EXOC4: variants seen among roughly 807,000 people sequenced by gnomAD.
EXOC4 encodes the protein exocyst complex component 4.
Under a neutral mutation model 107.2 loss-of-function variants are expected in EXOC4, and 71 were observed. That is an observed-to-expected ratio of 0.66 (90% CI 0.55 to 0.81). EXOC4 has a LOEUF of 0.81. Ranked by LOEUF, EXOC4 falls within the 30% of genes least tolerant of loss-of-function variation. The pLI is 0.00. For synonymous variants in EXOC4, 456 were observed against 441.2 expected (o/e 1.03, Z -0.42); for missense variants, 1,108 against 1,189.6 (o/e 0.93, Z 1.01).
chr7:133,640,965 C>A (rs966782619), intron 10 of EXOC4, among the ~76,000 whole-genome samples: 1 of 151,852 alleles, frequency 6.6e-6, no homozygotes, highest in African/African-American at 2.4e-5. Flanking sequence ...TGCAGAATGC[C>A]TGGGCTCAAG....
intron 14 of EXOC4, among the ~76,000 whole-genome samples, chr7:133,991,791 A>C (rs146045067): frequency 1.3e-5 from 2 of 152,044 alleles, no homozygotes; most frequent in Non-Finnish European, 2.9e-5. Flanking sequence ...TGGGTTCTCT[A>C]TTCTGTTCCA....
chr7:133,543,629 A>G (rs1000011338), intron 9 of EXOC4, among the ~76,000 whole-genome samples: 2 of 152,112 alleles, frequency 1.3e-5, no homozygotes, highest in African/African-American at 4.8e-5. Context: ...TCCTGCTTTT[A>G]TCTAGCCTTT....
At chr7:133,754,046 T>C (rs1795848145) in intron 10 of EXOC4, among the ~76,000 whole-genome samples, 1 of 152,196 alleles carries the variant, frequency 6.6e-6, no homozygotes, top group South Asian at 2.1e-4. Flanking sequence ...ATGTTTTGAA[T>C]GGGGGCAAAA....
chr7:134,011,241 A>G lies in EXOC4; in HGVS notation c.2687+3406A>G, dbSNP rs542436376. ...TCACAGAAGCCACCTAGGAGTCCAG[A>G]TGGTGGCAGCATAACAAGAGAGGTC... On this transcript the variant is annotated intron_variant, in intron 17 of 17. Coordinates refer to ENST00000253861, the MANE Select transcript of EXOC4 (RefSeq NM_021807.4). Among the ~76,000 whole-genome samples, 6 of 152,024 alleles carry G rather than the reference A, an allele frequency of 3.9e-5. No individual in the cohort carries two copies. In the East Asian group the frequency reaches 9.7e-4, roughly 24 times the overall value.
At chr7:133,258,122 A>G (rs1481130771) in intron 1 of EXOC4, among the ~76,000 whole-genome samples, 2 of 152,128 alleles carry the variant, frequency 1.3e-5, no homozygotes, top group African/African-American at 2.4e-5. Context: ...GGCCCTACTG[A>G]TGCTGTGTTG....
chr7:133,403,000 T>A (rs1797126277), intron 7 of EXOC4, among the ~76,000 whole-genome samples: 1 of 150,778 alleles, frequency 6.6e-6, no homozygotes, highest in Non-Finnish European at 1.5e-5. Context: ...TTATCCTGCC[T>A]CAGCCTCCCG....
At chr7:133,562,390 C>T (rs1427415538) in intron 9 of EXOC4, among the ~76,000 whole-genome samples, 1 of 152,132 alleles carries the variant, frequency 6.6e-6, no homozygotes, top group Non-Finnish European at 1.5e-5. Context: ...TTCTGCAATG[C>T]TAGGTTCCCC....
chr7:133,565,278 T>G (rs1161334595), intron 9 of EXOC4, among the ~76,000 whole-genome samples: 1 of 152,174 alleles, frequency 6.6e-6, no homozygotes, highest in Non-Finnish European at 1.5e-5. Flanking sequence ...CCTCCACTCT[T>G]AGTTTTCTCA....
intron 3 of EXOC4, among the ~76,000 whole-genome samples, chr7:133,298,681 A>T (rs1794575989): frequency 6.6e-6 from 1 of 152,186 alleles, no homozygotes; most frequent in South Asian, 2.1e-4. Context: ...GGTAATTGTG[A>T]ACAGATCTGT....
intron 14 of EXOC4, among the ~76,000 whole-genome samples, chr7:133,988,145 T>C (rs552221567): frequency 1.3e-5 from 2 of 152,318 alleles, no homozygotes; most frequent in East Asian, 3.9e-4. Context: ...CAAAGTGCAC[T>C]GACAACTCGT....
intron 9 of EXOC4, among the ~76,000 whole-genome samples, chr7:133,544,704 T>C (rs1800446606): frequency 6.8e-6 from 1 of 147,820 alleles, no homozygotes; most frequent in Admixed American, 6.7e-5. Flanking sequence ...CAAATGTGAT[T>C]TTTAACCAAA....
chr7:133,488,647 A>G (rs1799314490), intron 9 of EXOC4, among the ~76,000 whole-genome samples: 1 of 152,164 alleles, frequency 6.6e-6, no homozygotes, highest in African/African-American at 2.4e-5. Context: ...TAAATTTCCA[A>G]TAGGTTGATA....
At chr7:133,389,056 AGTAAAGT>A (rs1796792959) in intron 7 of EXOC4, among the ~76,000 whole-genome samples, 2 of 152,088 alleles carry the variant, frequency 1.3e-5, no homozygotes, top group Non-Finnish European at 1.5e-5. Context: ...TGGATAGAGG[AGTAAAGT>A]AGTGAAAGTA....
At chr7:133,541,058 T>G (rs1181435778) in intron 9 of EXOC4, among the ~76,000 whole-genome samples, 1 of 152,200 alleles carries the variant, frequency 6.6e-6, no homozygotes, top group South Asian at 2.1e-4. Context: ...TATGTCTACA[T>G]GAAATAATCT....
chr7:133,475,610 G>A (rs912451839), intron 8 of EXOC4, 137 bp downstream of exon 8: 5 of 747,264 alleles, frequency 6.7e-6, no homozygotes, highest in Admixed American at 6.6e-5. Flanking sequence ...TATATGTTGA[G>A]TTTTATTTAT....
At chr7:133,409,626 A>T (rs1797311514) in intron 7 of EXOC4, among the ~76,000 whole-genome samples, 1 of 152,156 alleles carries the variant, frequency 6.6e-6, no homozygotes, top group Admixed American at 6.5e-5. Flanking sequence ...AACTTTTCTT[A>T]CTGTGGAAAA....
At chr7:133,918,218 G>C (rs1489739110) in intron 13 of EXOC4, among the ~76,000 whole-genome samples, 1 of 152,030 alleles carries the variant, frequency 6.6e-6, no homozygotes, top group Admixed American at 6.6e-5. Context: ...CTGACCTAAT[G>C]ATCCACCTGC....
At chr7:133,481,751 G>T (rs1193232439) in intron 9 of EXOC4, among the ~76,000 whole-genome samples, 1 of 152,118 alleles carries the variant, frequency 6.6e-6, no homozygotes, top group Non-Finnish European at 1.5e-5. Context: ...ATGCATTCTG[G>T]AAGACATGCA....
intron 14 of EXOC4, among the ~76,000 whole-genome samples, chr7:133,979,080 C>A (rs982745716): frequency 6.6e-6 from 1 of 152,176 alleles, no homozygotes; most frequent in African/African-American, 2.4e-5. Flanking sequence ...TAAAAAGCAT[C>A]TTTCCAAAAT....
Sources: gnomAD v4.1 joint callset for allele counts (sites outside exome capture counted in the v4.1 genomes callset) on GRCh38, gnomAD v4.1.1 for gene constraint, MANE v1.5 for transcripts, NCBI Gene and HGNC (gene_info 2026-07-23, HGNC 2026-07-21) for gene names.